The following PCSK6 variants were observed in gnomAD, a reference collection of about 807,000 sequenced individuals.
The protein encoded by PCSK6 is paired basic amino acid cleaving enzyme 4.
PCSK6 carries 85 observed loss-of-function variants against 123.3 expected under a neutral mutation model. The observed-to-expected ratio is 0.69, with a 90% CI of 0.58 to 0.83. PCSK6 has a LOEUF of 0.83. Among genes scored for constraint, PCSK6 ranks in the 40% least tolerant of loss-of-function variants. The probability of loss-of-function intolerance (pLI) is 0.00; values close to 1 mark genes in which losing one functional copy is unlikely to be tolerated. For missense variants in PCSK6, 1,191 were observed against 1,282.3 expected (o/e 0.93, Z 1.09); for synonymous variants, 508 against 516.0 (o/e 0.98, Z 0.21).
In PCSK6 at chr15:101,470,119, G is replaced by C. The variant is rs2057570152; in HGVS notation, c.297+19255C>G. 2.0e-5 allele frequency among the ~76,000 whole-genome samples: 3 copies of C among 152,146 alleles called. 1 individual carries two copies. In the South Asian group the frequency reaches 6.2e-4, roughly 32 times the overall value. ...TCAGGGATCAAACGTCCCTTGTTTT[G>C]TACACAGGAGGTGAGGTACTGTGCT... is the stretch of plus-strand genomic sequence containing the variant. On this transcript the variant is annotated intron_variant, in intron 1 of 21. Coordinates refer to ENST00000611716, the MANE Select transcript of PCSK6 (RefSeq NM_002570.5).
chr15:101,305,026 G>T lies in PCSK6; in HGVS notation c.*232C>A, dbSNP rs1458726154. On this transcript the variant is annotated 3_prime_UTR_variant, in exon 22 of 22. Coordinates refer to ENST00000611716, the MANE Select transcript of PCSK6 (RefSeq NM_002570.5). This position sits in a 1 kb window ranked among gnomAD's most constrained non-coding sequence, Gnocchi z 4.8. ...GAATTCATTTTGTTCCTGTTAGTTT[G>T]TCGGAAGACTGGAGCCAACAAGCAG... 4 of 521,866 alleles carry T rather than the reference G, an allele frequency of 7.7e-6. No individual in the cohort carries two copies. The highest frequency in any genetic ancestry group is 1.9e-5 in the African/African-American group (1 of 52,300). The allele number at this position is 521,866 out of a possible 1,614,324, so 32.3% of individuals were successfully genotyped here.
At chr15:101,482,796 TCCTGATTCTGAGTCTGCC>T (rs1032226057) in intron 1 of PCSK6, among the ~76,000 whole-genome samples, 5 of 100,200 alleles carry the variant, frequency 5.0e-5, no homozygotes, top group African/African-American at 1.8e-4. Context: ...CTGAGTCTGC[TCCTGATTCTGAGTCTGCC>T]CCTGCACCTG....
At chr15:101,441,262 C>T (rs1266844630) in intron 2 of PCSK6, among the ~76,000 whole-genome samples, 1 of 152,146 alleles carries the variant, frequency 6.6e-6, no homozygotes, top group Non-Finnish European at 1.5e-5. Context: ...CAGACCCAAA[C>T]TGAATATAGG....
intron 6 of PCSK6, among the ~76,000 whole-genome samples, chr15:101,410,838 G>T (rs1404679968): frequency 6.6e-6 from 1 of 152,236 alleles, no homozygotes; most frequent in African/African-American, 2.4e-5. Flanking sequence ...CTCTCTGTTA[G>T]TCTCCCCTGG....
intron 1 of PCSK6, among the ~76,000 whole-genome samples, chr15:101,487,110 C>T (rs1479835185): frequency 6.6e-6 from 1 of 152,224 alleles, no homozygotes; most frequent in Non-Finnish European, 1.5e-5. Context: ...GGTAGAGGCT[C>T]AAATGCTCCA....
At chr15:101,465,243 C>T (rs28488922) in intron 1 of PCSK6, among the ~76,000 whole-genome samples, 4,223 of 152,266 alleles carry the variant, frequency 0.028, 170 homozygotes, top group African/African-American at 0.096. Flanking sequence ...TGTTGCCAGG[C>T]GGCTGTGTGC....
intron 1 of PCSK6, chr15:101,463,119 C>T (rs775404719): frequency 6.1e-5 from 28 of 458,538 alleles, no homozygotes; most frequent in Non-Finnish European, 1.1e-4. Context: ...GACCTGGAGC[C>T]GTTGAGCATC....
chr15:101,305,291 C>T lies in PCSK6; in HGVS notation c.2877G>A (p.Gln959=), dbSNP rs1326974174. The change falls in exon 22 of 22, where the codon CAG becomes CAA. Residue 959 remains glutamine (Q), a synonymous_variant. Transcript: ENST00000611716. This position sits in a 1 kb window ranked among gnomAD's most constrained non-coding sequence, Gnocchi z 4.8. ...CCAGGAGGCACGTGCGGCAGCAGAA[C>T]TGAATGAAGAGCTTCCGTTCGCACA... ...NRLCERKLFI[Q]FCCRTCLLAG 3 of 1,612,608 alleles carry T rather than the reference C, an allele frequency of 1.9e-6. No individual in the cohort carries two copies. Among genetic ancestry groups the T allele is most frequent in the East Asian group, 2.2e-5 (1 of 44,886 alleles).
intron 7 of PCSK6, among the ~76,000 whole-genome samples, chr15:101,394,374 A>G (rs1340852354): frequency 6.6e-6 from 1 of 151,912 alleles, no homozygotes; most frequent in African/African-American, 2.4e-5. Flanking sequence ...TCTATCCCAT[A>G]CCCACAGGAT....
intron 13 of PCSK6, among the ~76,000 whole-genome samples, chr15:101,360,797 C>G (rs541544871): frequency 6.6e-6 from 1 of 152,358 alleles, no homozygotes; most frequent in African/African-American, 2.4e-5. Flanking sequence ...CCCTCATCTT[C>G]TTTGAGCTTT....
rs138247719 is a variant in PCSK6 at position 101,310,117 on chromosome 15, G to T, written c.2700-2792C>A. 3.0e-3 allele frequency among the ~76,000 whole-genome samples: 456 copies of T among 152,330 alleles called. 2 individuals are homozygous for T. Among genetic ancestry groups the T allele is most frequent in the African/African-American group, 0.01 (436 of 41,584 alleles). On this transcript the variant is annotated intron_variant, in intron 20 of 21. Transcript: ENST00000611716. ...GGTTCTCAGCTCAGGCTGTCCAAGT[G>T]GGGAGAGACCCCGCAGAACCAATCG...
intron 19 of PCSK6, among the ~76,000 whole-genome samples, chr15:101,316,929 T>TTTTTTTTTTTTTTTCA (rs2040006235): frequency 7.0e-6 from 1 of 142,256 alleles, no homozygotes; most frequent in African/African-American, 2.7e-5. Flanking sequence ...TTTTTTTTTT[T>TTTTTTTTTTTTTTTCA]GACAGAGTCT....
intron 14 of PCSK6, 45 bp downstream of exon 14, chr15:101,331,807 A>T: frequency 6.2e-7 from 1 of 1,608,042 alleles, no homozygotes; most frequent in Non-Finnish European, 8.5e-7. Flanking sequence ...TGGACAATCA[A>T]AGCTCGTGGA....
At chr15:101,376,563 G>A (rs2041749596) in intron 11 of PCSK6, among the ~76,000 whole-genome samples, 1 of 152,206 alleles carries the variant, frequency 6.6e-6, no homozygotes, top group Admixed American at 6.5e-5. Flanking sequence ...TCTCTCCTAG[G>A]AATAACGCTT....
intron 1 of PCSK6, among the ~76,000 whole-genome samples, chr15:101,467,784 C>T (rs2057500330): frequency 6.6e-6 from 1 of 152,306 alleles, no homozygotes; most frequent in African/African-American, 2.4e-5. Context: ...CCACACAGTA[C>T]ATCATTCCCA....
intron 6 of PCSK6, among the ~76,000 whole-genome samples, chr15:101,424,331 C>A (rs917494542): frequency 2.7e-5 from 4 of 150,730 alleles, no homozygotes; most frequent in African/African-American, 7.3e-5. Context: ...TCGTCGGAAA[C>A]AATGGATACC....
chr15:101,403,428 T>TAAA (rs67170668), intron 6 of PCSK6, among the ~76,000 whole-genome samples: 3 of 145,006 alleles, frequency 2.1e-5, no homozygotes, highest in African/African-American at 2.7e-5. Context: ...TAATAATAAT[T>TAAA]AAAAAAAAAG....
At chr15:101,382,960 A>C (rs2041950293) in intron 10 of PCSK6, among the ~76,000 whole-genome samples, 1 of 152,208 alleles carries the variant, frequency 6.6e-6, no homozygotes, top group Admixed American at 6.5e-5. Flanking sequence ...CTCGGCACTT[A>C]GGGTAACTAT....
At chr15:101,364,146 A>ATCC in intron 13 of PCSK6, among the ~76,000 whole-genome samples, 1 of 152,268 alleles carries the variant, frequency 6.6e-6, no homozygotes, top group Middle Eastern at 3.4e-3. Context: ...AGAACTGGAA[A>ATCC]AGAACCAGGG....
Sources: allele counts gnomAD v4.1 joint callset (sites outside exome capture counted in the v4.1 genomes callset), GRCh38; gene constraint gnomAD v4.1.1; non-coding constraint Gnocchi (gnomAD v3.1); transcripts MANE v1.5; gene names NCBI Gene and HGNC (gene_info 2026-07-23, HGNC 2026-07-21).